Variants in ITCH observed in about 807,000 individuals in gnomAD.
The protein encoded by ITCH is itchy E3 ubiquitin protein ligase.
ITCH carries 28 observed loss-of-function variants against 126.8 expected under a neutral mutation model. The observed-to-expected ratio is 0.22, with a 90% CI of 0.16 to 0.30. The LOEUF (loss-of-function observed/expected upper bound fraction) is 0.30, where lower values mean the gene tolerates loss of function less well. Among genes scored for constraint, ITCH ranks in the 10% least tolerant of loss-of-function variants. The pLI is 1.00. For missense variants in ITCH, 631 were observed against 1,032.4 expected (o/e 0.61, Z 5.33); for synonymous variants, 342 against 340.0 (o/e 1.01, Z -0.06).
intron 4 of ITCH, among the ~76,000 whole-genome samples, chr20:34,410,055 C>CAAA (rs59652271): frequency 2.8e-5 from 4 of 142,326 alleles, no homozygotes; most frequent in African/African-American, 1.0e-4. Context: ...AAAAGACAAA[C>CAAA]AAAAAAAAAA....
rs1006026667 is a variant in ITCH, at chr20:34,471,331, A to G, written c.1498-113A>G. ...TTATTGAATATAAATTTATATTCAT[A>G]GTCTACTTGTTTCTGTAAGGAAAGA... On this transcript the variant is annotated intron_variant, in intron 15 of 24. Transcript: ENST00000374864. 7.1e-6 allele frequency: 5 copies of G among 704,314 alleles called. No individual in the cohort carries two copies. In the African/African-American group the frequency reaches 8.9e-5, roughly 12 times the overall value. The allele number at this position is 704,314 out of a possible 1,614,324, so 43.6% of individuals were successfully genotyped here. A position where few individuals can be genotyped will look rare whatever the true frequency, so the allele number is the denominator to read the frequency against.
chr20:34,485,412 G>A (rs963246915), intron 20 of ITCH, among the ~76,000 whole-genome samples: 7 of 152,150 alleles, frequency 4.6e-5, no homozygotes, highest in Non-Finnish European at 7.4e-5. Flanking sequence ...GTTGCTTCAC[G>A]TTCTTGCCAA....
chr20:34,462,310 C>T (rs1986614508), intron 14 of ITCH, 89 bp downstream of exon 14: 1 of 1,351,636 alleles, frequency 7.4e-7, no homozygotes, highest in South Asian at 1.2e-5. Context: ...GAGTGGAAGT[C>T]TTAGTATTTC....
intron 8 of ITCH, 57 bp downstream of exon 8, chr20:34,438,688 C>T: frequency 6.3e-7 from 1 of 1,574,910 alleles, no homozygotes; most frequent in Non-Finnish European, 8.7e-7. Flanking sequence ...GCAATTAATC[C>T]TCAGGTAAGT....
intron 9 of ITCH, among the ~76,000 whole-genome samples, chr20:34,440,909 A>T (rs1339681502): frequency 1.3e-5 from 2 of 152,166 alleles, no homozygotes; most frequent in African/African-American, 4.8e-5. Context: ...TAATCACCTA[A>T]TTCCAATTGC....
intron 1 of ITCH, among the ~76,000 whole-genome samples, chr20:34,364,196 G>A (rs890682867): frequency 6.6e-6 from 1 of 152,134 alleles, no homozygotes; most frequent in East Asian, 1.9e-4. Context: ...ATGTAACCAG[G>A]TGAACTTGTA....
intron 3 of ITCH, among the ~76,000 whole-genome samples, chr20:34,394,227 A>C (rs1242761156): frequency 6.6e-6 from 1 of 151,850 alleles, no homozygotes; most frequent in Non-Finnish European, 1.5e-5. Context: ...AAAAAAAAAA[A>C]AAAAACTTAA....
At chr20:34,406,851 T>C (rs2039076447) in intron 3 of ITCH, among the ~76,000 whole-genome samples, 1 of 152,156 alleles carries the variant, frequency 6.6e-6, no homozygotes, top group South Asian at 2.1e-4. Context: ...GCTTCTTAAG[T>C]AGTTACTATA....
intron 23 of ITCH, among the ~76,000 whole-genome samples, chr20:34,496,189 G>T (rs555753336): frequency 6.6e-6 from 1 of 152,296 alleles, no homozygotes; most frequent in East Asian, 1.9e-4. Context: ...TCTAACTGAG[G>T]TGAGATGATA....
At chr20:34,442,117 T>C in intron 9 of ITCH, 91 bp from the exon 10 acceptor site, 1 of 881,238 alleles carries the variant, frequency 1.1e-6, no homozygotes, top group Non-Finnish European at 1.9e-6. Context: ...CTTAGTTCAA[T>C]AATGGTCATT....
intron 2 of ITCH, among the ~76,000 whole-genome samples, chr20:34,387,280 G>A (rs1047091362): frequency 7.3e-5 from 11 of 151,260 alleles, no homozygotes; most frequent in South Asian, 2.1e-4. Flanking sequence ...TCCAGCCTGG[G>A]CGACACAGTG....
intron 14 of ITCH, among the ~76,000 whole-genome samples, chr20:34,463,025 T>TG (rs1986687762): frequency 6.6e-6 from 1 of 152,194 alleles, no homozygotes; most frequent in Non-Finnish European, 1.5e-5. Context: ...TTCTGTTTTT[T>TG]GGGGGGTATT....
intron 23 of ITCH, among the ~76,000 whole-genome samples, chr20:34,495,076 T>C (rs13041646): frequency 7.3e-6 from 1 of 137,680 alleles, no homozygotes; most frequent in Non-Finnish European, 1.5e-5. Flanking sequence ...TCGTGGTAAA[T>C]CCCCTTCTCT....
At chr20:34,436,666 G>A (rs995106364) in intron 7 of ITCH, among the ~76,000 whole-genome samples, 10 of 152,118 alleles carry the variant, frequency 6.6e-5, no homozygotes, top group Admixed American at 2.0e-4. Context: ...TATAATCTGG[G>A]GATCTTGTTA....
intron 3 of ITCH, among the ~76,000 whole-genome samples, chr20:34,407,402 G>A (rs1241357816): frequency 3.3e-5 from 5 of 152,076 alleles, no homozygotes; most frequent in African/African-American, 1.2e-4. Context: ...GAGTAGCTGG[G>A]ATTACAGGCG....
chr20:34,413,962 A>T, intron 6 of ITCH, 83 bp downstream of exon 6: 4 of 1,149,108 alleles, frequency 3.5e-6, no homozygotes, highest in East Asian at 2.6e-5. Flanking sequence ...AATTATTTTG[A>T]TTTTTTTTTT....
At chr20:34,460,020 G>C (rs1444690777) in intron 13 of ITCH, among the ~76,000 whole-genome samples, 8 of 152,110 alleles carry the variant, frequency 5.3e-5, no homozygotes, top group Non-Finnish European at 1.5e-5. Flanking sequence ...TTAGAATTCT[G>C]CTTTAACAAC....
intron 23 of ITCH, among the ~76,000 whole-genome samples, chr20:34,500,469 A>G (rs1990177190): frequency 6.6e-6 from 1 of 152,140 alleles, no homozygotes; most frequent in South Asian, 2.1e-4. Context: ...TTTGCCTGAT[A>G]TATGTATAGC....
chr20:34,398,720 A>T (rs73255075), intron 3 of ITCH, among the ~76,000 whole-genome samples: 1 of 151,814 alleles, frequency 6.6e-6, no homozygotes, highest in Non-Finnish European at 1.5e-5. Flanking sequence ...TTTTTTATAA[A>T]TTTTTTTCTT....
Sources: gnomAD v4.1 joint callset for allele counts (sites outside exome capture counted in the v4.1 genomes callset) on GRCh38, gnomAD v4.1.1 for gene constraint, MANE v1.5 for transcripts, NCBI Gene and HGNC (gene_info 2026-07-23, HGNC 2026-07-21) for gene names.